PKIB: variants seen among roughly 807,000 people sequenced by gnomAD.
The protein encoded by PKIB is cAMP-dependent protein kinase inhibitor beta.
Under a neutral mutation model 4.5 loss-of-function variants are expected in PKIB, and 2 were observed. The observed-to-expected ratio is 0.44, with a 90% CI of 0.18 to 1.39. The LOEUF (loss-of-function observed/expected upper bound fraction) is 1.39, where lower values mean the gene tolerates loss of function less well. Among genes scored for constraint, PKIB ranks in the 40% most tolerant of loss-of-function variants. The pLI is 0.27. For synonymous variants in PKIB, 38 were observed against 36.0 expected (o/e 1.06, Z -0.20); for missense variants, 94 against 92.6 (o/e 1.02, Z -0.06).
At chr6:122,717,100 T>C (rs1779528385) in intron 3 of PKIB, among the ~76,000 whole-genome samples, 1 of 152,120 alleles carries the variant, frequency 6.6e-6, no homozygotes, top group Non-Finnish European at 1.5e-5. Flanking sequence ...AATGATCTCT[T>C]GAGAATTCTT....
intron 1 of PKIB, among the ~76,000 whole-genome samples, chr6:122,626,179 A>T (rs1775436780): frequency 6.6e-6 from 1 of 152,266 alleles, no homozygotes; most frequent in South Asian, 2.1e-4. Context: ...TGTTGTGAAC[A>T]CTTACTAATC....
chr6:122,661,503 A>G (rs371703368), intron 2 of PKIB, among the ~76,000 whole-genome samples: 2 of 152,220 alleles, frequency 1.3e-5, no homozygotes, highest in Admixed American at 1.3e-4. Flanking sequence ...AGGATCATCA[A>G]TGTTGTGGCA....
chr6:122,647,310 T>C (rs1324472486), intron 2 of PKIB, among the ~76,000 whole-genome samples: 1 of 152,214 alleles, frequency 6.6e-6, no homozygotes, highest in African/African-American at 2.4e-5. Context: ...ATTGCAGATA[T>C]TAGTCACATT....
At chr6:122,652,288 T>G (rs1776584307) in intron 2 of PKIB, among the ~76,000 whole-genome samples, 1 of 74,760 alleles carries the variant, frequency 1.3e-5, no homozygotes, top group African/African-American at 5.2e-5. Context: ...GCATATATGT[T>G]GGTTTGTGTG....
chr6:122,619,541 A>G (rs1432175060), intron 1 of PKIB, among the ~76,000 whole-genome samples: 1 of 151,680 alleles, frequency 6.6e-6, no homozygotes, highest in African/African-American at 2.4e-5. Context: ...TAGCTGTCCC[A>G]CTGTTAGAAT....
At chr6:122,676,953 T>A (rs2114961760) in intron 3 of PKIB, among the ~76,000 whole-genome samples, 1 of 152,332 alleles carries the variant, frequency 6.6e-6, no homozygotes, top group South Asian at 2.1e-4. Context: ...TAACCTATAC[T>A]GTACCCGTGA....
chr6:122,649,107 A>G (rs1210016546), intron 2 of PKIB, among the ~76,000 whole-genome samples: 1 of 152,192 alleles, frequency 6.6e-6, no homozygotes, highest in Non-Finnish European at 1.5e-5. Context: ...TGGGACATGA[A>G]TGTTATGTTC....
At chr6:122,689,115 T>C (rs1778221789) in intron 3 of PKIB, among the ~76,000 whole-genome samples, 1 of 152,032 alleles carries the variant, frequency 6.6e-6, no homozygotes, top group South Asian at 2.1e-4. Flanking sequence ...GGTTGTAACA[T>C]CTCCTTTTTC....
chr6:122,648,822 G>C (rs918274645), intron 2 of PKIB, among the ~76,000 whole-genome samples: 1 of 152,104 alleles, frequency 6.6e-6, no homozygotes, highest in Admixed American at 6.5e-5. Flanking sequence ...TACCATATTG[G>C]GGACTCAGTG....
At chr6:122,624,540 A>G (rs183312522) in intron 1 of PKIB, among the ~76,000 whole-genome samples, 1 of 152,318 alleles carries the variant, frequency 6.6e-6, no homozygotes, top group Admixed American at 6.5e-5. Flanking sequence ...CAATTCTCCA[A>G]AAACATTCAT....
At chr6:122,531,740 T>G (rs1046405433) in intron 2 of PKIB, among the ~76,000 whole-genome samples, 9 of 152,192 alleles carry the variant, frequency 5.9e-5, no homozygotes, top group Admixed American at 6.6e-5. Flanking sequence ...GATAGCACAT[T>G]GTTCTCTAAT....
intron 1 of PKIB, among the ~76,000 whole-genome samples, chr6:122,614,829 T>A (rs1330726576): frequency 1.3e-5 from 2 of 152,164 alleles, no homozygotes; most frequent in Non-Finnish European, 2.9e-5. Context: ...TAAAGAGGGC[T>A]TACAACTCAT....
At chr6:122,618,289 T>G (rs1479050848) in intron 1 of PKIB, among the ~76,000 whole-genome samples, 1 of 152,152 alleles carries the variant, frequency 6.6e-6, no homozygotes, top group Non-Finnish European at 1.5e-5. Context: ...TATAAATTCT[T>G]CACCAAGAAT....
In PKIB at chr6:122,725,199, C is replaced by T. The variant is rs369828247; in HGVS notation, c.*4C>T. 96 of 1,606,402 alleles carry T rather than the reference C, an allele frequency of 6.0e-5. No individual in the cohort carries two copies. Among genetic ancestry groups the T allele is most frequent in the Non-Finnish European group, 6.6e-5 (78 of 1,175,562 alleles). On this transcript the variant is annotated 3_prime_UTR_variant, in exon 5 of 5. Coordinates refer to ENST00000368452, the MANE Select transcript of PKIB (RefSeq NM_181795.3). The stretch of plus-strand genomic sequence containing the variant: ...GCCTCAAAATGAAGAAAAATGAAGG[C>T]TCATAATCTATCAAGAGTGCTGAAT...
chr6:122,590,651 A>G (rs1773990530), intron 3 of PKIB, among the ~76,000 whole-genome samples: 1 of 152,162 alleles, frequency 6.6e-6, no homozygotes, highest in Admixed American at 6.5e-5. Context: ...TAACTTGGTG[A>G]ATATAGACAC....
At chr6:122,545,301 T>G (rs1772458765) in intron 2 of PKIB, among the ~76,000 whole-genome samples, 1 of 151,994 alleles carries the variant, frequency 6.6e-6, no homozygotes, top group African/African-American at 2.4e-5. Flanking sequence ...TGGAATACCA[T>G]GTAGCCATAA....
At chr6:122,558,179 C>A (rs765626577) in intron 2 of PKIB, among the ~76,000 whole-genome samples, 9 of 152,166 alleles carry the variant, frequency 5.9e-5, no homozygotes, top group Admixed American at 1.3e-4. Context: ...AATTTAGATA[C>A]ACACACAATG....
At chr6:122,657,823 C>T (rs1231127339) in intron 2 of PKIB, among the ~76,000 whole-genome samples, 1 of 152,208 alleles carries the variant, frequency 6.6e-6, no homozygotes, top group East Asian at 1.9e-4. Context: ...AAAATTCTTT[C>T]AGTCCAGCTT....
intron 2 of PKIB, chr6:122,644,760 C>T (rs1184163779): frequency 1.2e-5 from 1 of 85,722 alleles, no homozygotes; most frequent in African/African-American, 3.3e-5. Flanking sequence ...AATTATTAAA[C>T]TTAAACTGGT....
Sources: gnomAD v4.1 joint callset for allele counts (sites outside exome capture counted in the v4.1 genomes callset) on GRCh38, gnomAD v4.1.1 for gene constraint, MANE v1.5 for transcripts, NCBI Gene and HGNC (gene_info 2026-07-23, HGNC 2026-07-21) for gene names.